Variants in GFRAL observed in about 807,000 individuals in gnomAD.
The protein encoded by GFRAL is GDNF family receptor alpha-like.
A neutral mutation model predicts 45.4 loss-of-function variants in GFRAL; 36 were observed. The ratio of observed to expected loss-of-function variants is 0.79; its 90% CI spans 0.61 to 1.05. GFRAL has a LOEUF of 1.05. Among genes scored for constraint, GFRAL ranks in the 50% least tolerant of loss-of-function variants. GFRAL has a pLI of 0.00. For synonymous variants in GFRAL, 166 were observed against 154.1 expected (o/e 1.08, Z -0.57); for missense variants, 507 against 467.5 (o/e 1.08, Z -0.78).
In GFRAL at chr6:55,370,379, T is replaced by A. The variant is rs143871891; in HGVS notation, c.952+11241T>A. Among the ~76,000 whole-genome samples, 566 of 152,286 alleles carry A rather than the reference T, an allele frequency of 3.7e-3. 1 individual carries two copies. Among genetic ancestry groups the A allele is most frequent in the Non-Finnish European group, 6.2e-3 (420 of 68,014 alleles). Reference sequence around the variant, plus strand: ...AGTTTTTCATGTTTTGAGCATTATATAAATGGAATCACATTTTTTTGCCCC... The same window carrying A: ...AGTTTTTCATGTTTTGAGCATTATAAAAATGGAATCACATTTTTTTGCCCC... On this transcript the variant is annotated intron_variant, in intron 6 of 8. Transcript: ENST00000340465.
At chr6:55,337,992 G>A (rs1293201832) in intron 3 of GFRAL, among the ~76,000 whole-genome samples, 4 of 151,950 alleles carry the variant, frequency 2.6e-5, no homozygotes, top group Non-Finnish European at 4.4e-5. Context: ...TACTGATTTA[G>A]CTATAGCCAC....
intron 5 of GFRAL, among the ~76,000 whole-genome samples, chr6:55,357,835 A>G (rs9475256): frequency 0.16 from 24,716 of 151,696 alleles, 2,325 homozygotes; most frequent in African/African-American, 0.25. Context: ...TTAGTAAAAC[A>G]TATTTAAAAT....
At chr6:55,344,195 A>G (rs1768008307) in intron 3 of GFRAL, among the ~76,000 whole-genome samples, 1 of 152,212 alleles carries the variant, frequency 6.6e-6, no homozygotes, top group African/African-American at 2.4e-5. Context: ...TTATGAGACC[A>G]GCATCAACCT....
chr6:55,344,895 T>C (rs1180345075), intron 3 of GFRAL, among the ~76,000 whole-genome samples: 2 of 151,970 alleles, frequency 1.3e-5, no homozygotes, highest in South Asian at 2.1e-4. Flanking sequence ...TATACACCAA[T>C]AATAGACAAA....
At position 55,355,286 on chromosome 6, in the gene GFRAL, T is replaced by C. The variant is rs564613004; in HGVS notation, c.702-3602T>C. On this transcript the variant is annotated intron_variant, in intron 5 of 8. Coordinates refer to ENST00000340465, the MANE Select transcript of GFRAL (RefSeq NM_207410.2). The stretch of plus-strand genomic sequence containing the variant: ...GGTCAATAGGTGCAGCAAACAACCA[T>C]GGCTCATGCGTACCTATGTAATAAA... Among the ~76,000 whole-genome samples, 237 of 152,020 alleles carry C rather than the reference T, an allele frequency of 1.6e-3. 1 individual carries two copies. Among genetic ancestry groups the C allele is most frequent in the African/African-American group, 5.4e-3 (224 of 41,520 alleles).
intron 3 of GFRAL, among the ~76,000 whole-genome samples, chr6:55,346,960 T>C (rs1317905929): frequency 6.6e-6 from 1 of 151,986 alleles, no homozygotes; most frequent in Non-Finnish European, 1.5e-5. Flanking sequence ...TTTAATTTGT[T>C]GGGATGCTAG....
intron 6 of GFRAL, among the ~76,000 whole-genome samples, chr6:55,398,063 G>A (rs1430835254): frequency 6.6e-6 from 1 of 152,126 alleles, no homozygotes; most frequent in Non-Finnish European, 1.5e-5. Flanking sequence ...CCAGGTTGGT[G>A]TAAGTACACT....
At chr6:55,394,180 G>A (rs752547743) in intron 6 of GFRAL, among the ~76,000 whole-genome samples, 1 of 152,194 alleles carries the variant, frequency 6.6e-6, no homozygotes, top group Admixed American at 6.5e-5. Context: ...AGTATAGTAA[G>A]AGGAAACCTA....
rs1562052554 is a variant in GFRAL at position 55,350,105 on chromosome 6, G to T, written c.330G>T (p.Glu110Asp). 17 of 1,536,022 alleles carry T rather than the reference G, an allele frequency of 1.1e-5. No homozygotes were observed. Among genetic ancestry groups the T allele is most frequent in the Non-Finnish European group, 1.4e-5 (16 of 1,110,940 alleles). ...KCINKSDNVK[E>D]DKFKWNLTTR... is the part of the protein sequence containing the mutation. ...TTTTCCTTCTAGATAACGTGAAAGA[G>T]GATAAATTCAAATGGAATCTAACTA... The change falls in exon 4 of 9, where the codon GAG (glutamate) becomes GAT (aspartate). Residue 110 changes from glutamate (E) to aspartate (D), a missense_variant. Glu to Asp is a conservative substitution (Grantham distance 45, BLOSUM62 2). Transcript: ENST00000340465.
intron 6 of GFRAL, among the ~76,000 whole-genome samples, chr6:55,384,214 A>G (rs1385014434): frequency 1.3e-5 from 2 of 151,956 alleles, no homozygotes; most frequent in East Asian, 3.9e-4. Flanking sequence ...TGGCACGTGT[A>G]TATCTATGTA....
At chr6:55,360,980 C>A (rs1271499201) in intron 6 of GFRAL, among the ~76,000 whole-genome samples, 4 of 151,900 alleles carry the variant, frequency 2.6e-5, no homozygotes, top group African/African-American at 9.7e-5. Context: ...ATGTTTTTCT[C>A]AAATATAATA....
At chr6:55,399,053 AATCT>A (rs1561869581) in intron 6 of GFRAL, 123 bp from the exon 7 acceptor site, 2 of 519,372 alleles carry the variant, frequency 3.9e-6, no homozygotes, top group Non-Finnish European at 6.8e-6. Flanking sequence ...GTTTTATTCA[AATCT>A]ATCAGATTAA....
chr6:55,375,399 T>G (rs534464910), intron 6 of GFRAL, among the ~76,000 whole-genome samples: 1 of 152,142 alleles, frequency 6.6e-6, no homozygotes, highest in Non-Finnish European at 1.5e-5. Flanking sequence ...TAAATGCGAG[T>G]TTGTTCATAA....
chr6:55,373,507 G>A (rs1768481309), intron 6 of GFRAL, among the ~76,000 whole-genome samples: 1 of 152,074 alleles, frequency 6.6e-6, no homozygotes, highest in East Asian at 1.9e-4. Flanking sequence ...TCAGTTACAT[G>A]TGCCAGTATT....
At chr6:55,385,578 G>A (rs963639797) in intron 6 of GFRAL, among the ~76,000 whole-genome samples, 5 of 152,060 alleles carry the variant, frequency 3.3e-5, no homozygotes. Flanking sequence ...AGACAATAGA[G>A]CCAGAATTTA....
intron 6 of GFRAL, among the ~76,000 whole-genome samples, chr6:55,379,701 A>T (rs1360425220): frequency 6.6e-6 from 1 of 151,792 alleles, no homozygotes; most frequent in African/African-American, 2.4e-5. Flanking sequence ...AGCATTTTTC[A>T]AGAATGTAAT....
chr6:55,353,430 G>A (rs1010560407), intron 5 of GFRAL, among the ~76,000 whole-genome samples: 5 of 152,000 alleles, frequency 3.3e-5, no homozygotes, highest in African/African-American at 4.8e-5. Context: ...TATGAAATAA[G>A]TGGTAAAGAG....
intron 6 of GFRAL, among the ~76,000 whole-genome samples, chr6:55,394,447 A>G (rs1768795448): frequency 6.6e-6 from 1 of 152,182 alleles, no homozygotes; most frequent in Non-Finnish European, 1.5e-5. Flanking sequence ...AATATTTGAA[A>G]TGACCAAGTA....
At chr6:55,353,504 T>C (rs911124535) in intron 5 of GFRAL, among the ~76,000 whole-genome samples, 3 of 152,040 alleles carry the variant, frequency 2.0e-5, no homozygotes, top group African/African-American at 7.2e-5. Flanking sequence ...GTTCTTAAAA[T>C]TGTATTCAAG....
Sources: allele counts gnomAD v4.1 joint callset (sites outside exome capture counted in the v4.1 genomes callset), GRCh38; gene constraint gnomAD v4.1.1; transcripts MANE v1.5; gene names NCBI Gene and HGNC (gene_info 2026-07-23, HGNC 2026-07-21).